The following RHEX variants were observed in gnomAD, a reference collection of about 807,000 sequenced individuals.
RHEX encodes regulator of hemoglobinization and erythroid cell expansion protein.
In RHEX, 18 loss-of-function variants were observed where a neutral mutation model predicts 20.1. The observed-to-expected ratio is 0.90, with a 90% CI of 0.62 to 1.33. The LOEUF is 1.33. RHEX is among the 40% of genes most tolerant of loss of function. The pLI is 0.00. For synonymous variants in RHEX, 87 were observed against 77.1 expected (o/e 1.13, Z -0.67); for missense variants, 192 against 214.3 (o/e 0.90, Z 0.65).
chr1:206,084,776 G>T (rs371349835), intron 1 of RHEX, among the ~76,000 whole-genome samples: 6 of 152,134 alleles, frequency 3.9e-5, no homozygotes, highest in African/African-American at 1.4e-4. Context: ...AAATTGTTAC[G>T]AATTTAAAGA....
intron 1 of RHEX, among the ~76,000 whole-genome samples, chr1:206,066,551 A>G (rs1662426670): frequency 6.6e-6 from 1 of 152,224 alleles, no homozygotes; most frequent in African/African-American, 2.4e-5. Flanking sequence ...TGGGACGTCA[A>G]GTTTGCAGTG....
chr1:206,060,008 A>G (rs1261671659), intron 1 of RHEX, among the ~76,000 whole-genome samples: 1 of 152,108 alleles, frequency 6.6e-6, no homozygotes, highest in Non-Finnish European at 1.5e-5. Context: ...ACCTCCTGTC[A>G]TATCTGCTAA....
At chr1:206,053,604 T>A (rs1265611473) in intron 1 of RHEX, among the ~76,000 whole-genome samples, 1 of 152,166 alleles carries the variant, frequency 6.6e-6, no homozygotes, top group Non-Finnish European at 1.5e-5. Flanking sequence ...TAAAAAAAAA[T>A]TCAAGAAAGA....
intron 1 of RHEX, among the ~76,000 whole-genome samples, chr1:206,088,415 G>A (rs1170380539): frequency 6.6e-6 from 1 of 152,142 alleles, no homozygotes; most frequent in East Asian, 1.9e-4. Flanking sequence ...ACGTGCAGTG[G>A]CTCACACCTG....
At chr1:206,096,938 A>C (rs112606103) in intron 1 of RHEX, among the ~76,000 whole-genome samples, 4,137 of 151,584 alleles carry the variant, frequency 0.027, 117 homozygotes, top group Admixed American at 0.079. Context: ...CCATGCCGGG[A>C]TAATTTTTAT....
chr1:206,098,795 A>T (rs782314973), intron 3 of RHEX, among the ~76,000 whole-genome samples: 4 of 152,222 alleles, frequency 2.6e-5, no homozygotes, highest in Admixed American at 6.5e-5. Context: ...AGCATCTAAG[A>T]CACTCTCTGG....
intron 1 of RHEX, among the ~76,000 whole-genome samples, chr1:206,054,160 A>G (rs891197369): frequency 3.3e-5 from 5 of 151,936 alleles, no homozygotes; most frequent in Non-Finnish European, 5.9e-5. Flanking sequence ...GACAGAATTT[A>G]TGTAAAAAGA....
intron 1 of RHEX, among the ~76,000 whole-genome samples, chr1:206,096,677 G>A (rs1663073322): frequency 1.3e-5 from 2 of 151,744 alleles, no homozygotes; most frequent in Non-Finnish European, 2.9e-5. Flanking sequence ...AGAAATCCCT[G>A]TCTTGCTTTA....
At position 206,093,851 on chromosome 1, in the gene RHEX, G is replaced by A. The variant is rs1448973871; in HGVS notation, c.-96-3882G>A. 3.3e-5 allele frequency among the ~76,000 whole-genome samples: 5 copies of A among 151,818 alleles called. No individual in the cohort carries two copies. In the East Asian group the frequency reaches 5.8e-4, roughly 18 times the overall value. ...CTGGGACGAAGTAGGGTTTTTTTTGGTCGGGGGAGGAGGGACAGGGTTTTA... is the reference window on the plus strand; with the variant it reads ...CTGGGACGAAGTAGGGTTTTTTTTGATCGGGGGAGGAGGGACAGGGTTTTA... On this transcript the variant is annotated intron_variant, in intron 1 of 5. Transcript: ENST00000331555.
chr1:206,063,865 G>A (rs1165958336), intron 1 of RHEX, among the ~76,000 whole-genome samples: 32 of 151,712 alleles, frequency 2.1e-4, no homozygotes, highest in African/African-American at 7.3e-4. Flanking sequence ...CGTCTGGGAT[G>A]TGAGGAGCCC....
At chr1:206,075,854 A>G (rs116502843) in intron 1 of RHEX, among the ~76,000 whole-genome samples, 5,604 of 152,082 alleles carry the variant, frequency 0.037, 331 homozygotes, top group African/African-American at 0.13. Flanking sequence ...CACCCGCCTC[A>G]GCCTCCCAAG....
At chr1:206,094,169 G>GGGGTGTGT (rs1200017719) in intron 1 of RHEX, among the ~76,000 whole-genome samples, 4 of 148,576 alleles carry the variant, frequency 2.7e-5, no homozygotes, top group East Asian at 2.0e-4. Flanking sequence ...CTGGTTATTT[G>GGGGTGTGT]GTGTGTGTGT....
intron 1 of RHEX, among the ~76,000 whole-genome samples, chr1:206,076,622 T>C (rs1349057376): frequency 1.3e-5 from 2 of 152,264 alleles, no homozygotes; most frequent in Non-Finnish European, 2.9e-5. Context: ...AAAATGTTTA[T>C]GCCATGTACT....
chr1:206,070,503 A>G (rs1364895448), intron 1 of RHEX, among the ~76,000 whole-genome samples: 7 of 152,204 alleles, frequency 4.6e-5, no homozygotes, highest in Non-Finnish European at 7.3e-5. Flanking sequence ...TAACAAAGGC[A>G]GGGTCTTGGA....
rs1662440982 is a variant in RHEX at position 206,067,358 on chromosome 1, A to G, written c.-97+14093A>G. On this transcript the variant is annotated intron_variant, in intron 1 of 5. Coordinates refer to ENST00000331555, the MANE Select transcript of RHEX (RefSeq NM_001007544.4). This position sits in a 1 kb window ranked among gnomAD's most constrained non-coding sequence, Gnocchi z 4.6. ...AGGAGATTTTAGTGGCAATGTAGAT[A>G]GTTCTTCCTAGCTCTGAGCTCAAAG... 6.6e-6 allele frequency among the ~76,000 whole-genome samples: 1 copy of G among 152,208 alleles called. No individual in the cohort carries two copies. Among genetic ancestry groups the G allele is most frequent in the South Asian group, 2.1e-4 (1 of 4,834 alleles).
intron 1 of RHEX, among the ~76,000 whole-genome samples, chr1:206,087,174 T>A (rs192289443): frequency 2.0e-5 from 3 of 152,256 alleles, no homozygotes; most frequent in African/African-American, 7.2e-5. Context: ...TATACTCGCT[T>A]GTGTGGTCGC....
At chr1:206,078,766 A>G (rs1165156502) in intron 1 of RHEX, among the ~76,000 whole-genome samples, 1 of 152,024 alleles carries the variant, frequency 6.6e-6, no homozygotes, top group Non-Finnish European at 1.5e-5. Context: ...AAGGAAGGGG[A>G]AGGGTGGTAG....
At chr1:206,062,870 G>A (rs181559365) in intron 1 of RHEX, among the ~76,000 whole-genome samples, 1 of 152,290 alleles carries the variant, frequency 6.6e-6, no homozygotes, top group Admixed American at 6.5e-5. Flanking sequence ...AAGCACTTCC[G>A]TGATCTAGGT....
chr1:206,101,363 A>T (rs28428791), intron 5 of RHEX, among the ~76,000 whole-genome samples, 166 bp downstream of exon 5: 13,006 of 152,228 alleles, frequency 0.085, 768 homozygotes, highest in East Asian at 0.26. Context: ...GCTTCCACCC[A>T]TAACCCATAT....
Sources: gnomAD v4.1 joint callset for allele counts (sites outside exome capture counted in the v4.1 genomes callset) on GRCh38, gnomAD v4.1.1 for gene constraint, Gnocchi (gnomAD v3.1) non-coding constraint, MANE v1.5 for transcripts, NCBI Gene and HGNC (gene_info 2026-07-23, HGNC 2026-07-21) for gene names.